Variants in RAB4A observed in about 807,000 individuals in gnomAD.
RAB4A encodes RAB4A, member RAS oncogene family.
A neutral mutation model predicts 34.5 loss-of-function variants in RAB4A; 20 were observed. That is an observed-to-expected ratio of 0.58 (90% CI 0.41 to 0.84). The LOEUF (loss-of-function observed/expected upper bound fraction) is 0.84. Among genes scored for constraint, RAB4A ranks in the 40% least tolerant of loss-of-function variants. The probability of loss-of-function intolerance (pLI) is 0.00; values close to 1 mark genes in which losing one functional copy is unlikely to be tolerated. For missense variants in RAB4A, 228 were observed against 274.5 expected, an observed-to-expected ratio of 0.83 and a Z score of 1.20; for synonymous variants, 102 against 100.0, an observed-to-expected ratio of 1.02 and a Z score of -0.12.
intron 3 of RAB4A, among the ~76,000 whole-genome samples, chr1:229,295,236 G>A (rs910098348): frequency 2.6e-5 from 4 of 152,196 alleles, no homozygotes; most frequent in East Asian, 1.9e-4. Context: ...ATAGGTGTCC[G>A]GCCACTAATG....
chr1:229,290,299 G>C (rs1657035298), intron 3 of RAB4A, among the ~76,000 whole-genome samples: 2 of 152,188 alleles, frequency 1.3e-5, no homozygotes, highest in African/African-American at 4.8e-5. Context: ...GGTCAGGCCT[G>C]AAAAGAGGGA....
At position 229,305,138 on chromosome 1, in the gene RAB4A, A is replaced by G; in HGVS notation, c.*1345A>G. ...AGACACATAAAAACTCTGGGAAATG[A>G]CTAGGATAAAAATATCAGTATGTAT... is the stretch of plus-strand genomic sequence containing the variant. On this transcript the variant is annotated 3_prime_UTR_variant, in exon 8 of 8. Transcript: ENST00000366690. 6.3e-7 allele frequency: 1 copy of G among 1,586,066 alleles called. No individual in the cohort carries two copies. Among genetic ancestry groups the G allele is most frequent in the East Asian group, 2.3e-5 (1 of 43,860 alleles).
In RAB4A at chr1:229,302,294, TA is replaced by T. The variant is rs56183332; in HGVS notation, c.542-567del. ...ATATATATATATATATATATATATATATATATATATATATATTTTTTTTTTT... is the reference window on the plus strand; with the variant it reads ...ATATATATATATATATATATATATATTATATATATATATATTTTTTTTTTT... On this transcript the variant is annotated intron_variant, in intron 6 of 7. Coordinates refer to ENST00000366690, the MANE Select transcript of RAB4A (RefSeq NM_004578.4). Among the ~76,000 whole-genome samples, 45 of 26,576 alleles carry T rather than the reference TA, an allele frequency of 1.7e-3. 2 individuals carry two copies. Among genetic ancestry groups the T allele is most frequent in the African/African-American group, 4.0e-3 (20 of 4,956 alleles). 17.4% of individuals were successfully genotyped at this position (26,576 alleles called of 152,430 possible).
chr1:229,274,385 T>C (rs1656584990), intron 1 of RAB4A, among the ~76,000 whole-genome samples: 1 of 152,174 alleles, frequency 6.6e-6, no homozygotes, highest in South Asian at 2.1e-4. Context: ...GTTTATGAGC[T>C]ACCTCTCATT....
chr1:229,303,079 AGG>A, intron 7 of RAB4A, 90 bp downstream of exon 7: 2 of 969,452 alleles, frequency 2.1e-6, no homozygotes, highest in Non-Finnish European at 3.2e-6. Context: ...TATGAAAAAG[AGG>A]GGATCCCAGC....
Position 229,305,166 on chromosome 1 carries a change from G to A in RAB4A, c.*1373G>A, listed in dbSNP as rs150217120. On this transcript the variant is annotated 3_prime_UTR_variant, in exon 8 of 8. Coordinates refer to ENST00000366690, the MANE Select transcript of RAB4A (RefSeq NM_004578.4). ...AGGATAAAAATATCAGTATGTATCT[G>A]TTTTAGATATTTTGAGTTTTGCTTT... 3.1e-6 allele frequency: 5 copies of A among 1,605,192 alleles called. No individual in the cohort carries two copies. The highest frequency in any genetic ancestry group is 2.3e-5 in the South Asian group (2 of 88,568).
At chr1:229,272,482 C>T (rs559252030) in intron 1 of RAB4A, among the ~76,000 whole-genome samples, 1 of 152,226 alleles carries the variant, frequency 6.6e-6, no homozygotes, top group East Asian at 1.9e-4. Context: ...TGAGGGAATG[C>T]AGTATTAATC....
At chr1:229,271,442 G>A (rs1466840461) in intron 1 of RAB4A, 72 bp downstream of exon 1, 1 of 1,146,908 alleles carries the variant, frequency 8.7e-7, no homozygotes, top group Non-Finnish European at 1.1e-6. Flanking sequence ...GCCGGGCCTG[G>A]GCTGCGGGGG....
chr1:229,291,057 C>A (rs1268871439), intron 3 of RAB4A, among the ~76,000 whole-genome samples: 1 of 152,092 alleles, frequency 6.6e-6, no homozygotes, highest in African/African-American at 2.4e-5. Flanking sequence ...AAAAAGCAGC[C>A]ACATATAAAG....
intron 1 of RAB4A, among the ~76,000 whole-genome samples, chr1:229,271,690 T>G (rs909539497): frequency 7.9e-5 from 12 of 152,280 alleles, no homozygotes; most frequent in African/African-American, 2.9e-4. Context: ...TGTAAATAAC[T>G]GAAGGTTTGA....
At chr1:229,301,766 T>G (rs1014040698) in intron 6 of RAB4A, among the ~76,000 whole-genome samples, 1 of 152,180 alleles carries the variant, frequency 6.6e-6, no homozygotes, top group Non-Finnish European at 1.5e-5. Context: ...TTATATAAAA[T>G]GTATCATATG....
At chr1:229,275,902 A>T (rs1290260370) in intron 1 of RAB4A, among the ~76,000 whole-genome samples, 1 of 151,092 alleles carries the variant, frequency 6.6e-6, no homozygotes, top group Non-Finnish European at 1.5e-5. Flanking sequence ...CTGGGTTTAC[A>T]GGCGTGAGCC....
chr1:229,272,075 GT>G (rs1656500691), intron 1 of RAB4A, among the ~76,000 whole-genome samples: 2 of 150,774 alleles, frequency 1.3e-5, no homozygotes, highest in Non-Finnish European at 2.9e-5. Context: ...GACAAATACT[GT>G]TTTGAATAAG....
At chr1:229,281,623 T>G (rs1174005393) in intron 1 of RAB4A, among the ~76,000 whole-genome samples, 1 of 151,960 alleles carries the variant, frequency 6.6e-6, no homozygotes, top group Non-Finnish European at 1.5e-5. Context: ...TCCATTTACA[T>G]TATTGTAATT....
intron 6 of RAB4A, 81 bp from the exon 7 acceptor site, chr1:229,302,781 T>C (rs1465549518): frequency 1.1e-5 from 11 of 1,018,016 alleles, no homozygotes; most frequent in South Asian, 1.5e-5. Flanking sequence ...TTCTGTACTT[T>C]GCTTTTTTTT....
rs184515292 is a variant in RAB4A, at chr1:229,301,804, T to G, written c.542-1058T>G. The stretch of plus-strand genomic sequence containing the variant: ...AGACTACCACGCCTTGCTTTTTTAC[T>G]TACTATTGTATAACCTACAAATCAT... On this transcript the variant is annotated intron_variant, in intron 6 of 7. Coordinates refer to ENST00000366690, the MANE Select transcript of RAB4A (RefSeq NM_004578.4). 3.0e-3 allele frequency among the ~76,000 whole-genome samples: 461 copies of G among 152,316 alleles called. 3 individuals carry two copies. Among genetic ancestry groups the G allele is most frequent in the Admixed American group, 9.0e-3 (138 of 15,298 alleles).
Position 229,286,508 on chromosome 1 carries a change from T to C in RAB4A, c.54T>C (p.Val18=), listed in dbSNP as rs2102843216. The change falls in exon 2 of 8, where the codon GTT becomes GTC. Residue 18 remains valine, a synonymous_variant. Coordinates refer to ENST00000366690, the MANE Select transcript of RAB4A (RefSeq NM_004578.4). ...ETYDFLFKFL[V]IGNAGTGKSC... is the part of the protein sequence containing the mutation. ...CAGATTTTTTGTTTAAGTTCTTGGT[T>C]ATTGGAAATGCAGGAACTGGCAAAT... The C allele has an allele frequency of 1.9e-6, 3 of 1,581,896 alleles. No homozygotes were observed. In the East Asian group the frequency reaches 6.8e-5, roughly 36 times the overall value.
intron 1 of RAB4A, among the ~76,000 whole-genome samples, chr1:229,278,766 G>A (rs1656710326): frequency 6.6e-6 from 1 of 152,136 alleles, no homozygotes; most frequent in Non-Finnish European, 1.5e-5. Flanking sequence ...AGAGCTGTCA[G>A]TACTTTTTGT....
chr1:229,271,354 C>T lies in RAB4A; in HGVS notation c.15C>T (p.Ala5=), dbSNP rs750538629. 1.6e-5 allele frequency: 21 copies of T among 1,290,036 alleles called. No individual in the cohort carries two copies. The East Asian group carries it at 6.4e-4, about 39-fold the overall frequency. 79.9% of individuals were successfully genotyped at this position (1,290,036 alleles called of 1,614,324 possible). A position where few individuals can be genotyped will look rare whatever the true frequency, so the allele number is the denominator to read the frequency against. Residue 5 remains alanine (A), a synonymous_variant, in exon 1 of 8, where the codon GCC becomes GCT. Coordinates refer to ENST00000366690, the MANE Select transcript of RAB4A (RefSeq NM_004578.4). ...CCGCTCCCAAGATGTCGCAGACGGC[C>T]ATGTCCGAAACCTACGGTACGAGGC... MSQT[A]MSETYDFLFK... is the part of the protein sequence containing the mutation.
Sources: gnomAD v4.1 joint callset for allele counts (sites outside exome capture counted in the v4.1 genomes callset) on GRCh38, gnomAD v4.1.1 for gene constraint, MANE v1.5 for transcripts, NCBI Gene and HGNC (gene_info 2026-07-23, HGNC 2026-07-21) for gene names.